The following IARS1 variants were observed in gnomAD, a reference collection of about 807,000 sequenced individuals.
IARS1 encodes the protein isoleucine--tRNA ligase, cytoplasmic.
Under a neutral mutation model 168.2 loss-of-function variants are expected in IARS1, and 124 were observed. The observed-to-expected ratio is 0.74, with a 90% CI of 0.64 to 0.86. IARS1 has a LOEUF of 0.86. IARS1 is among the 40% of genes least tolerant of loss of function. The pLI, the probability that IARS1 is intolerant of heterozygous loss-of-function variation, is 0.00. For synonymous variants in IARS1, 532 were observed against 529.4 expected (o/e 1.00, Z -0.07); for missense variants, 1,452 against 1,515.8 (o/e 0.96, Z 0.70).
At chr9:92,226,791 T>C (rs1825760124) in intron 31 of IARS1, among the ~76,000 whole-genome samples, 1 of 151,992 alleles carries the variant, frequency 6.6e-6, no homozygotes, top group African/African-American at 2.4e-5. Context: ...TTTCTATGTC[T>C]TCACATGGCC....
Position 92,287,822 on chromosome 9 carries a change from G to A in IARS1, c.365C>T (p.Ala122Val). The part of the protein sequence containing the change: ...GITEYNNQCR[A>V]IVMRYSAEWK... Reference sequence around the variant, plus strand: ...CTCAGCAGAATATCTCATCACAATTGCTCGGCACTGATTGTTATACTCTGT... The same window carrying A: ...CTCAGCAGAATATCTCATCACAATTACTCGGCACTGATTGTTATACTCTGT... Residue 122 changes from alanine (A) to valine (V), a missense_variant, in exon 4 of 34, where the codon GCA (alanine) becomes GTA (valine). Transcript: ENST00000443024. The A allele has an allele frequency of 6.2e-7, 1 of 1,613,494 alleles. No homozygotes were observed. The highest frequency in any genetic ancestry group is 2.2e-5 in the East Asian group (1 of 44,844).
chr9:92,269,720 CATT>C (rs2133860390), intron 13 of IARS1, among the ~76,000 whole-genome samples, 162 bp downstream of exon 13: 1 of 152,266 alleles, frequency 6.6e-6, no homozygotes, highest in East Asian at 1.9e-4. Context: ...TGTTCTGTAA[CATT>C]ATTTGAATTA....
chr9:92,271,964 G>A (rs1833105939), intron 10 of IARS1, among the ~76,000 whole-genome samples: 2 of 152,148 alleles, frequency 1.3e-5, no homozygotes, highest in Non-Finnish European at 1.5e-5. Context: ...AGAAAGTAAA[G>A]CAATAAAGAA....
intron 31 of IARS1, among the ~76,000 whole-genome samples, chr9:92,225,621 A>T (rs1056572045): frequency 2.0e-5 from 3 of 149,154 alleles, no homozygotes; most frequent in Non-Finnish European, 3.0e-5. Flanking sequence ...TGGAAGTTAC[A>T]TATGATTTAA....
At chr9:92,265,213 A>G in intron 15 of IARS1, 90 bp from the exon 16 acceptor site, 2 of 1,124,576 alleles carry the variant, frequency 1.8e-6, no homozygotes, top group East Asian at 2.5e-5. Context: ...AAACCCTGAC[A>G]AGATATTATA....
At position 92,228,985 on chromosome 9, in the gene IARS1, C is replaced by T. The variant is rs781236360; in HGVS notation, c.3409+16G>A. On this transcript the variant is annotated intron_variant, in intron 31 of 33. Transcript: ENST00000443024. ...CTTGAGTCAAAGGACGTAGGCTCCT[C>T]TCACTTTCCACATACCTGTTTCATC... 1 of 1,613,814 alleles carries T rather than the reference C, an allele frequency of 6.2e-7. No homozygotes were observed. The highest frequency in any genetic ancestry group is 8.5e-7 in the Non-Finnish European group (1 of 1,179,956).
At chr9:92,256,469 C>T (rs1321132669) in intron 20 of IARS1, 1 of 344,936 alleles carries the variant, frequency 2.9e-6, no homozygotes, top group Non-Finnish European at 5.1e-6. Context: ...GGATTACAGG[C>T]GTGAGCCACC....
chr9:92,240,508 C>T, intron 30 of IARS1: 1 of 592,492 alleles, frequency 1.7e-6, no homozygotes, highest in East Asian at 2.8e-5. Flanking sequence ...AATCCACCAG[C>T]CTCCGCCTTC....
At chr9:92,223,680 G>C (rs1825173371) in intron 31 of IARS1, among the ~76,000 whole-genome samples, 191 bp from the exon 32 acceptor site, 1 of 152,178 alleles carries the variant, frequency 6.6e-6, no homozygotes, top group South Asian at 2.1e-4. Flanking sequence ...AAATCTCAAT[G>C]TTGCAAAACA....
At chr9:92,243,049 G>T in intron 28 of IARS1, 167 bp downstream of exon 28, 1 of 548,066 alleles carries the variant, frequency 1.8e-6, no homozygotes, top group Non-Finnish European at 3.4e-6. Flanking sequence ...CGTGGGGAGA[G>T]GAAGAGGAGT....
chr9:92,258,760 C>A, intron 19 of IARS1, 94 bp downstream of exon 19: 1 of 1,300,732 alleles, frequency 7.7e-7, no homozygotes, highest in South Asian at 1.6e-5. Context: ...GAACAGCAGC[C>A]CTAAAGTCTC....
intron 21 of IARS1, among the ~76,000 whole-genome samples, chr9:92,252,573 C>T (rs1378155096): frequency 6.6e-6 from 1 of 151,786 alleles, no homozygotes; most frequent in East Asian, 1.9e-4. Context: ...TTGAGACCAG[C>T]CTGGCCAACG....
intron 14 of IARS1, among the ~76,000 whole-genome samples, chr9:92,265,886 T>C (rs180983321): frequency 1.6e-4 from 25 of 152,312 alleles, no homozygotes. Flanking sequence ...CTCAAACTCT[T>C]GGACTCGAGC....
intron 33 of IARS1, among the ~76,000 whole-genome samples, chr9:92,211,978 C>T (rs1294600051): frequency 6.7e-6 from 1 of 150,128 alleles, no homozygotes; most frequent in South Asian, 2.1e-4. Flanking sequence ...AACTCAAAAA[C>T]AAAAAAAAAG....
chr9:92,267,402 G>A (rs1305821330), intron 14 of IARS1, among the ~76,000 whole-genome samples: 5 of 152,218 alleles, frequency 3.3e-5, no homozygotes, highest in East Asian at 3.8e-4. Context: ...CTGCAACAAT[G>A]CTGTCAGCTT....
chr9:92,280,862 A>T lies in IARS1; in HGVS notation c.629T>A (p.Phe210Tyr). The T allele has an allele frequency of 6.2e-7, 1 of 1,611,578 alleles. No homozygotes were observed. Among genetic ancestry groups the T allele is most frequent in the African/African-American group, 1.3e-5 (1 of 74,992 alleles). Reference protein sequence around the residue: ...DVQDPSVFVTFPLEEDETVSL... With the variant: ...DVQDPSVFVTYPLEEDETVSL... ...TACAGTTTCATCTTCTTCCAAAGGGAAAGTTACAAATACTGAAGGATCTTG... is the reference window on the plus strand; with the variant it reads ...TACAGTTTCATCTTCTTCCAAAGGGTAAGTTACAAATACTGAAGGATCTTG... Residue 210 changes from phenylalanine (F) to tyrosine (Y), a missense_variant, in exon 7 of 34, where the codon TTC (phenylalanine) becomes TAC (tyrosine). Phe to Tyr is a conservative substitution (Grantham distance 22, BLOSUM62 3). Coordinates refer to ENST00000443024, the MANE Select transcript of IARS1 (RefSeq NM_002161.6).
At chr9:92,224,719 G>C (rs1212683836) in intron 31 of IARS1, among the ~76,000 whole-genome samples, 1 of 152,146 alleles carries the variant, frequency 6.6e-6, no homozygotes, top group East Asian at 1.9e-4. Flanking sequence ...TGTACTCCTA[G>C]TTACTTTGGA....
intron 5 of IARS1, 161 bp from the exon 6 acceptor site, chr9:92,286,000 G>C: frequency 1.8e-6 from 1 of 560,190 alleles, no homozygotes; most frequent in Non-Finnish European, 3.2e-6. Flanking sequence ...GATCAATATA[G>C]TAAGACATCA....
In IARS1 at chr9:92,222,568, G is replaced by A. The variant is rs368874334; in HGVS notation, c.3658C>T (p.Leu1220Phe). 4 of 1,614,048 alleles carry A rather than the reference G, an allele frequency of 2.5e-6. No individual in the cohort carries two copies. Among genetic ancestry groups the A allele is most frequent in the South Asian group, 1.1e-5 (1 of 91,082 alleles). The stretch of plus-strand genomic sequence containing the variant: ...AACAGCTTTAGCTTCCTGCTCCGAA[G>A]GCCAAACACCTTGGCTGCTTCATAC... ...LLYEAAKVFGLRSRKLKLFLN... is the reference protein window; with the variant it reads ...LLYEAAKVFGFRSRKLKLFLN... The change falls in exon 33 of 34, where the codon CTT (leucine) becomes TTT (phenylalanine). Residue 1220 changes from leucine to phenylalanine, a missense_variant. Coordinates refer to ENST00000443024, the MANE Select transcript of IARS1 (RefSeq NM_002161.6).
Sources: gnomAD v4.1 joint callset for allele counts (sites outside exome capture counted in the v4.1 genomes callset) on GRCh38, gnomAD v4.1.1 for gene constraint, MANE v1.5 for transcripts, NCBI Gene and HGNC (gene_info 2026-07-23, HGNC 2026-07-21) for gene names.